Variants in ITGB6 observed in about 807,000 individuals in gnomAD.
ITGB6 encodes the protein integrin beta-6.
ITGB6 carries 80 observed loss-of-function variants against 84.5 expected under a neutral mutation model. That is an observed-to-expected ratio of 0.95 (90% CI 0.79 to 1.14). ITGB6 has a LOEUF of 1.14. Among genes scored for constraint, ITGB6 ranks in the 50% most tolerant of loss-of-function variants. The probability of loss-of-function intolerance (pLI) is 0.00; values close to 1 mark genes in which losing one functional copy is unlikely to be tolerated. For missense variants in ITGB6, 1,006 were observed against 968.0 expected (o/e 1.04, Z -0.52); for synonymous variants, 383 against 354.9 (o/e 1.08, Z -0.89).
intron 4 of ITGB6, among the ~76,000 whole-genome samples, chr2:160,180,414 T>C (rs1685618821): frequency 6.6e-6 from 1 of 152,200 alleles, no homozygotes; most frequent in Non-Finnish European, 1.5e-5. Flanking sequence ...TACAGGCATG[T>C]GCCACTGCAC....
rs114668717 is a variant in ITGB6, at chr2:160,196,869, T to C, written c.142-449A>G. On this transcript the variant is annotated intron_variant, in intron 2 of 14. Transcript: ENST00000283249. ...AAATCTTTATCACTAGATTTGGGAA[T>C]TGACACACTGTCCAAGGGCTCCAGG... Among the ~76,000 whole-genome samples, 842 of 152,120 alleles carry C rather than the reference T, an allele frequency of 5.5e-3. 2 individuals carry two copies. Among genetic ancestry groups the C allele is most frequent in the Non-Finnish European group, 9.3e-3 (633 of 67,980 alleles).
At chr2:160,150,270 C>T (rs1296628747) in intron 7 of ITGB6, among the ~76,000 whole-genome samples, 1 of 152,134 alleles carries the variant, frequency 6.6e-6, no homozygotes, top group Non-Finnish European at 1.5e-5. Flanking sequence ...CGGCAGAAAC[C>T]CTACAAGCCA....
intron 10 of ITGB6, among the ~76,000 whole-genome samples, chr2:160,133,471 C>A (rs1683555374): frequency 6.6e-6 from 1 of 152,118 alleles, no homozygotes; most frequent in Admixed American, 6.5e-5. Context: ...GAGACTTTAA[C>A]ACCCCACTGT....
rs749610054 is a variant in ITGB6 at position 160,107,767 on chromosome 2, A to C, written c.2180T>G (p.Leu727Arg). The C allele has an allele frequency of 6.2e-6, 10 of 1,613,962 alleles. No individual in the cohort carries two copies. The African/African-American group carries it at 1.3e-4, about 22-fold the overall frequency. Reference protein sequence around the residue: ...LAILLIGVVLLCIWKLLVSFH... With the variant: ...LAILLIGVVLRCIWKLLVSFH... ...TGACACCAGTAGCTTCCAGATGCAC[A>C]GTAGGACAACCCCGATGAGAAGAAT... The change falls in exon 14 of 15, where the codon CTG becomes CGG. Residue 727 changes from leucine (L) to arginine (R), a missense_variant. By Grantham distance (102) the Leu-to-Arg change is moderately radical. Transcript: ENST00000283249.
At chr2:160,166,565 G>C (rs182741651) in intron 7 of ITGB6, among the ~76,000 whole-genome samples, 1 of 152,264 alleles carries the variant, frequency 6.6e-6, no homozygotes, top group African/African-American at 2.4e-5. Flanking sequence ...TAAATTAACA[G>C]TAAACATTTT....
chr2:160,132,264 T>G (rs1424132645), intron 10 of ITGB6, among the ~76,000 whole-genome samples: 1 of 152,074 alleles, frequency 6.6e-6, no homozygotes, highest in Non-Finnish European at 1.5e-5. Context: ...GAAATAAACC[T>G]TTAAATGAAA....
intron 4 of ITGB6, among the ~76,000 whole-genome samples, chr2:160,182,827 G>T (rs1685738759): frequency 6.6e-6 from 1 of 152,162 alleles, no homozygotes; most frequent in African/African-American, 2.4e-5. Context: ...AGGAGAGTAG[G>T]GGCCAATATT....
chr2:160,190,260 C>T (rs1280750311), intron 4 of ITGB6, among the ~76,000 whole-genome samples: 2 of 150,832 alleles, frequency 1.3e-5, no homozygotes, highest in African/African-American at 2.4e-5. Flanking sequence ...TGCTAAATGA[C>T]GAGTTAATGG....
intron 6 of ITGB6, among the ~76,000 whole-genome samples, chr2:160,170,712 A>G (rs537459216): frequency 2.6e-4 from 40 of 152,354 alleles, no homozygotes; most frequent in African/African-American, 8.4e-4. Flanking sequence ...AAGTGCTCAG[A>G]GGACCCGGGG....
intron 7 of ITGB6, among the ~76,000 whole-genome samples, chr2:160,144,628 T>A (rs1029113288): frequency 6.6e-6 from 1 of 152,214 alleles, no homozygotes; most frequent in East Asian, 1.9e-4. Context: ...TTTATGAAAC[T>A]GCTATCCTTG....
chr2:160,147,837 C>A lies in ITGB6; in HGVS notation c.1018-5766G>T, dbSNP rs371611010. Among the ~76,000 whole-genome samples the A allele has an allele frequency of 4.5e-4, 68 of 152,134 alleles. No homozygotes were observed. In the South Asian group the frequency reaches 0.014, roughly 31 times the overall value. On this transcript the variant is annotated intron_variant, in intron 7 of 14. Transcript: ENST00000283249. ...AACATTAGCTCAAAATGATCACAGA[C>A]CTAAATGTAAAATGCAAAACCATAA...
chr2:160,172,750 T>C lies in ITGB6; in HGVS notation c.760-20A>G, dbSNP rs1313313313. The C allele has an allele frequency of 1.3e-5, 20 of 1,580,410 alleles. No homozygotes were observed. The highest frequency in any genetic ancestry group is 1.6e-5 in the Non-Finnish European group (18 of 1,151,524). On this transcript the variant is annotated intron_variant, in intron 5 of 14. Transcript: ENST00000283249. ...TTTTTCCTACAGTGAGAAAGAAACA[T>C]TTGTGTGATATTGGAGGGAGGCAGG...
chr2:160,166,757 A>G (rs1254559618), intron 7 of ITGB6, among the ~76,000 whole-genome samples: 1 of 152,226 alleles, frequency 6.6e-6, no homozygotes, highest in Non-Finnish European at 1.5e-5. Context: ...TTGTTCAAAA[A>G]TATTCTGTTG....
chr2:160,110,027 A>G (rs1289620073), intron 13 of ITGB6, among the ~76,000 whole-genome samples: 1 of 152,242 alleles, frequency 6.6e-6, no homozygotes, highest in Non-Finnish European at 1.5e-5. Flanking sequence ...TGTAATTACT[A>G]GAAAATTTTA....
intron 10 of ITGB6, among the ~76,000 whole-genome samples, chr2:160,132,309 T>C (rs1221230236): frequency 6.6e-6 from 1 of 152,046 alleles, no homozygotes; most frequent in Non-Finnish European, 1.5e-5. Context: ...GAACAGACCA[T>C]AAATTTTTCA....
chr2:160,187,892 CAA>C (rs1373526675), intron 4 of ITGB6, among the ~76,000 whole-genome samples: 1 of 151,890 alleles, frequency 6.6e-6, no homozygotes, highest in Non-Finnish European at 1.5e-5. Flanking sequence ...TCTTAATTTT[CAA>C]GAGTCTAAGG....
At chr2:160,127,321 C>G (rs889367703) in intron 10 of ITGB6, among the ~76,000 whole-genome samples, 36 of 152,266 alleles carry the variant, frequency 2.4e-4, no homozygotes, top group African/African-American at 8.7e-4. Context: ...AAGCCTGCTA[C>G]CTGGACGCTT....
rs753068355 is a variant in ITGB6 at position 160,130,736 on chromosome 2, C to T, written c.1661-4135G>A. Among the ~76,000 whole-genome samples, 57 of 151,992 alleles carry T rather than the reference C, an allele frequency of 3.8e-4. 1 individual carries two copies. The highest frequency in any genetic ancestry group is 6.3e-4 in the Non-Finnish European group (43 of 67,990). On this transcript the variant is annotated intron_variant, in intron 10 of 14. Transcript: ENST00000283249. ...AACTACAATATCTTTTTGTTTCTTC[C>T]TCAACAAAAGGGGAAACTTATGATA...
chr2:160,138,337 A>G (rs1683856408), intron 8 of ITGB6, 138 bp from the exon 9 acceptor site: 2 of 732,214 alleles, frequency 2.7e-6, no homozygotes, highest in Non-Finnish European at 4.3e-6. Context: ...GTATATCATC[A>G]ATCAAAAGCA....
Sources: allele counts gnomAD v4.1 joint callset (sites outside exome capture counted in the v4.1 genomes callset), GRCh38; gene constraint gnomAD v4.1.1; transcripts MANE v1.5; gene names NCBI Gene and HGNC (gene_info 2026-07-23, HGNC 2026-07-21).